The following KIF16B variants were observed in gnomAD, a reference collection of about 807,000 sequenced individuals.
KIF16B encodes kinesin-like protein KIF16B.
Under a neutral mutation model 156.3 loss-of-function variants are expected in KIF16B, and 98 were observed. The observed-to-expected ratio is 0.63, with a 90% CI of 0.53 to 0.74. KIF16B has a LOEUF of 0.74. Ranked by LOEUF, KIF16B falls within the 30% of genes least tolerant of loss-of-function variation. The pLI, the probability that KIF16B is intolerant of heterozygous loss-of-function variation, is 0.00. For synonymous variants in KIF16B, 564 were observed against 583.7 expected, an observed-to-expected ratio of 0.97 and a Z score of 0.49; for missense variants, 1,421 against 1,606.5, an observed-to-expected ratio of 0.88 and a Z score of 1.97.
At chr20:16,450,039 C>A (rs551194375) in intron 12 of KIF16B, among the ~76,000 whole-genome samples, 1 of 152,160 alleles carries the variant, frequency 6.6e-6, no homozygotes, top group African/African-American at 2.4e-5. Context: ...AATTAATATA[C>A]TATGGACAGG....
intron 1 of KIF16B, among the ~76,000 whole-genome samples, chr20:16,565,658 A>T (rs1255451452): frequency 6.6e-6 from 1 of 152,156 alleles, no homozygotes; most frequent in Non-Finnish European, 1.5e-5. Flanking sequence ...CCACCACAGC[A>T]ACTATCACCT....
chr20:16,521,061 A>G (rs1383833853), intron 3 of KIF16B, among the ~76,000 whole-genome samples: 1 of 152,142 alleles, frequency 6.6e-6, no homozygotes, highest in African/African-American at 2.4e-5. Flanking sequence ...AAGATGAGGA[A>G]AAACCAGTGC....
At chr20:16,281,771 C>T (rs557052278) in intron 25 of KIF16B, among the ~76,000 whole-genome samples, 9 of 152,212 alleles carry the variant, frequency 5.9e-5, no homozygotes, top group African/African-American at 1.4e-4. Flanking sequence ...GAAACAGACA[C>T]GGTGCCTCCC....
chr20:16,416,723 T>G (rs996211695), intron 15 of KIF16B, among the ~76,000 whole-genome samples: 1 of 143,412 alleles, frequency 7.0e-6, no homozygotes, highest in African/African-American at 2.7e-5. Flanking sequence ...ACCCCAGAAC[T>G]TTAAAAAAAA....
intron 12 of KIF16B, among the ~76,000 whole-genome samples, chr20:16,473,465 C>T (rs1254151257): frequency 6.6e-6 from 1 of 152,090 alleles, no homozygotes; most frequent in Admixed American, 6.6e-5. Flanking sequence ...GGGGAGGATA[C>T]ATATTAAACA....
chr20:16,552,953 A>C (rs2070721139), intron 1 of KIF16B, among the ~76,000 whole-genome samples: 1 of 152,034 alleles, frequency 6.6e-6, no homozygotes, highest in South Asian at 2.1e-4. Flanking sequence ...TTCAGTAGAG[A>C]CAGGGTTTCA....
chr20:16,542,069 GC>G (rs2070225424), intron 1 of KIF16B, among the ~76,000 whole-genome samples: 1 of 152,192 alleles, frequency 6.6e-6, no homozygotes, highest in South Asian at 2.1e-4. Flanking sequence ...CCAAGTGGCA[GC>G]ATTCACCACT....
chr20:16,473,220 A>G (rs1477291794), intron 12 of KIF16B, among the ~76,000 whole-genome samples: 1 of 152,184 alleles, frequency 6.6e-6, no homozygotes, highest in Admixed American at 6.5e-5. Flanking sequence ...AGGCCCCTCT[A>G]CTCATCAAAC....
At chr20:16,410,323 ATGTG>A (rs372810868) in intron 15 of KIF16B, among the ~76,000 whole-genome samples, 2 of 146,078 alleles carry the variant, frequency 1.4e-5, no homozygotes, top group African/African-American at 2.5e-5. Context: ...GTGTGTGTAT[ATGTG>A]TGTGTGTATG....
At chr20:16,408,188 T>A (rs1453180104) in intron 15 of KIF16B, among the ~76,000 whole-genome samples, 1 of 152,132 alleles carries the variant, frequency 6.6e-6, no homozygotes, top group Non-Finnish European at 1.5e-5. Context: ...CAGGTTTAAA[T>A]AACAACGACA....
intron 22 of KIF16B, among the ~76,000 whole-genome samples, chr20:16,359,674 A>C (rs1480312143): frequency 1.4e-5 from 2 of 145,564 alleles, no homozygotes; most frequent in South Asian, 4.3e-4. Flanking sequence ...AAAAAAAAAA[A>C]CCCTGCCTTT....
At position 16,528,390 on chromosome 20, in the gene KIF16B, G is replaced by A. The variant is rs140508582; in HGVS notation, c.98C>T (p.Thr33Met). 33 of 1,613,894 alleles carry A rather than the reference G, an allele frequency of 2.0e-5. No individual in the cohort carries two copies. Among genetic ancestry groups the A allele is most frequent in the South Asian group, 1.1e-4 (10 of 91,082 alleles). The change falls in exon 2 of 26, where the codon ACG becomes ATG. Residue 33 changes from threonine to methionine, a missense_variant. Transcript: ENST00000354981. ...ACTTGCCTTTAAGTTTGTGATTGTC[G>A]TTTTGCTTTTCTCCATCTGAATAAT... ...KFIIQMEKSK[T>M]TITNLKIPEG...
intron 25 of KIF16B, among the ~76,000 whole-genome samples, chr20:16,280,299 C>A (rs1039495916): frequency 2.6e-5 from 4 of 152,116 alleles, no homozygotes; most frequent in African/African-American, 7.2e-5. Context: ...GGCTTCCCCC[C>A]TCTCTTACAC....
At chr20:16,513,890 A>G (rs2069047946) in intron 4 of KIF16B, among the ~76,000 whole-genome samples, 1 of 152,140 alleles carries the variant, frequency 6.6e-6, no homozygotes, top group South Asian at 2.1e-4. Flanking sequence ...CAGAGCATCA[A>G]TGCTTTATTC....
chr20:16,307,928 G>A (rs1169295680), intron 25 of KIF16B, among the ~76,000 whole-genome samples: 3 of 151,918 alleles, frequency 2.0e-5, no homozygotes, highest in African/African-American at 7.3e-5. Context: ...TATATACTAT[G>A]TATGTGTGTA....
intron 24 of KIF16B, among the ~76,000 whole-genome samples, chr20:16,328,544 G>C (rs148517051): frequency 6.6e-6 from 1 of 152,252 alleles, no homozygotes; most frequent in African/African-American, 2.4e-5. Context: ...GAATCATTTA[G>C]CCAAGAATAT....
intron 15 of KIF16B, among the ~76,000 whole-genome samples, chr20:16,410,189 A>G (rs1183694344): frequency 6.9e-6 from 1 of 145,832 alleles, no homozygotes; most frequent in Non-Finnish European, 1.5e-5. Flanking sequence ...ATGTAGGTAC[A>G]TATACATATA....
At chr20:16,422,697 C>G (rs1328518830) in intron 15 of KIF16B, among the ~76,000 whole-genome samples, 1 of 152,024 alleles carries the variant, frequency 6.6e-6, no homozygotes, top group East Asian at 1.9e-4. Flanking sequence ...TAAATGAACA[C>G]AGTTCAACAA....
intron 1 of KIF16B, among the ~76,000 whole-genome samples, chr20:16,558,341 C>T (rs540707020): frequency 2.6e-5 from 4 of 152,296 alleles, no homozygotes; most frequent in Non-Finnish European, 4.4e-5. Flanking sequence ...TCCCTGCATC[C>T]GGCGTGGCCA....
Sources: allele counts gnomAD v4.1 joint callset (sites outside exome capture counted in the v4.1 genomes callset), GRCh38; gene constraint gnomAD v4.1.1; transcripts MANE v1.5; gene names NCBI Gene and HGNC (gene_info 2026-07-23, HGNC 2026-07-21).